DNAJC5B: variants seen among roughly 807,000 people sequenced by gnomAD.
DNAJC5B encodes the protein dnaJ homolog subfamily C member 5B.
DNAJC5B carries 23 observed loss-of-function variants against 24.7 expected under a neutral mutation model. That is an observed-to-expected ratio of 0.93 (90% CI 0.67 to 1.32). The LOEUF is 1.32. DNAJC5B is among the 40% of genes most tolerant of loss of function. DNAJC5B has a pLI of 0.00. For synonymous variants in DNAJC5B, 101 were observed against 90.1 expected (o/e 1.12, Z -0.68); for missense variants, 238 against 240.8 (o/e 0.99, Z 0.08).
chr8:66,039,397 G>A (rs1021886346), intron 1 of DNAJC5B, among the ~76,000 whole-genome samples: 3 of 144,362 alleles, frequency 2.1e-5, no homozygotes, highest in African/African-American at 5.1e-5. Flanking sequence ...TGCCCAGGCT[G>A]GAGTGCAATG....
intron 1 of DNAJC5B, among the ~76,000 whole-genome samples, chr8:66,036,579 G>C (rs1056401198): frequency 6.6e-6 from 1 of 152,232 alleles, no homozygotes; most frequent in Non-Finnish European, 1.5e-5. Context: ...AGGTGGCTGG[G>C]GGACAGGCAT....
intron 1 of DNAJC5B, among the ~76,000 whole-genome samples, chr8:66,036,302 G>C (rs540288393): frequency 6.6e-6 from 1 of 152,286 alleles, no homozygotes; most frequent in East Asian, 1.9e-4. Context: ...TCTCTCAGGG[G>C]TCTTTTGTCT....
chr8:66,091,623 G>T (rs1807849080), intron 5 of DNAJC5B, among the ~76,000 whole-genome samples: 1 of 152,106 alleles, frequency 6.6e-6, no homozygotes, highest in African/African-American at 2.4e-5. Context: ...ATTTTTCAAA[G>T]AAACCCAAAC....
chr8:66,041,750 A>G (rs1250542384), intron 1 of DNAJC5B, among the ~76,000 whole-genome samples: 1 of 152,228 alleles, frequency 6.6e-6, no homozygotes, highest in Non-Finnish European at 1.5e-5. Context: ...ATATCATTTG[A>G]AACTCACCAT....
chr8:66,071,731 C>T (rs13253129), intron 3 of DNAJC5B, among the ~76,000 whole-genome samples: 21,334 of 152,134 alleles, frequency 0.14, 1,836 homozygotes, highest in East Asian at 0.33. Flanking sequence ...AATCATTCTA[C>T]TATAAAGACA....
chr8:66,081,151 T>G (rs1478480235), intron 5 of DNAJC5B, among the ~76,000 whole-genome samples: 4 of 152,174 alleles, frequency 2.6e-5, no homozygotes, highest in East Asian at 3.8e-4. Context: ...TATGCATGAC[T>G]GTGATGTAGT....
chr8:66,059,985 A>C (rs1351519330), intron 3 of DNAJC5B, among the ~76,000 whole-genome samples: 1 of 152,204 alleles, frequency 6.6e-6, no homozygotes, highest in Non-Finnish European at 1.5e-5. Context: ...CCGAGGGAAC[A>C]CCAAAGCCTG....
rs1289705278 is a variant in DNAJC5B, at chr8:66,074,066, A to G, written c.120-2594A>G. Among the ~76,000 whole-genome samples the G allele has an allele frequency of 3.3e-5, 5 of 152,386 alleles. No homozygotes were observed. The East Asian group carries it at 9.6e-4, about 29-fold the overall frequency. ...CAAAGAATTCATATCTAGAATATGC[A>G]TTTTTAAAATACTACAAATTAATTT... is the stretch of plus-strand genomic sequence containing the variant. On this transcript the variant is annotated intron_variant, in intron 3 of 5. Transcript: ENST00000276570.
chr8:66,040,662 ACCGCCCCATGAG>A (rs766863918), intron 1 of DNAJC5B, among the ~76,000 whole-genome samples: 1 of 152,044 alleles, frequency 6.6e-6, no homozygotes, highest in Non-Finnish European at 1.5e-5. Context: ...GCTCTTTAGA[ACCGCCCCATGAG>A]CCTTAAAAAG....
At chr8:66,052,077 C>T (rs1806860449) in intron 3 of DNAJC5B, among the ~76,000 whole-genome samples, 1 of 151,880 alleles carries the variant, frequency 6.6e-6, no homozygotes, top group Non-Finnish European at 1.5e-5. Flanking sequence ...CGATTCTCTG[C>T]CTCAGCCTCC....
intron 1 of DNAJC5B, among the ~76,000 whole-genome samples, chr8:66,027,578 G>T (rs1293219927): frequency 6.6e-6 from 1 of 152,074 alleles, no homozygotes; most frequent in African/African-American, 2.4e-5. Context: ...TGTCACAAAA[G>T]GTGGTCTCAG....
At chr8:66,041,836 A>G (rs1387390182) in intron 1 of DNAJC5B, among the ~76,000 whole-genome samples, 1 of 152,234 alleles carries the variant, frequency 6.6e-6, no homozygotes, top group Non-Finnish European at 1.5e-5. Flanking sequence ...ATCAGAAGCC[A>G]TATGCTTATA....
At chr8:66,079,300 A>G (rs1165586862) in intron 4 of DNAJC5B, among the ~76,000 whole-genome samples, 1 of 152,226 alleles carries the variant, frequency 6.6e-6, no homozygotes, top group East Asian at 1.9e-4. Context: ...AGGAACTGAA[A>G]GATGACTAGC....
chr8:66,048,411 C>T (rs1188225427), intron 2 of DNAJC5B, among the ~76,000 whole-genome samples: 1 of 152,168 alleles, frequency 6.6e-6, no homozygotes, highest in African/African-American at 2.4e-5. Flanking sequence ...CTGGGTGCTG[C>T]CTCTCCCTAT....
chr8:66,032,247 T>C (rs1466563839), intron 1 of DNAJC5B, among the ~76,000 whole-genome samples: 1 of 152,212 alleles, frequency 6.6e-6, no homozygotes, highest in Non-Finnish European at 1.5e-5. Context: ...GGGTTCCTCC[T>C]TAGGATGGAG....
chr8:66,045,513 G>A (rs968843910), intron 2 of DNAJC5B, among the ~76,000 whole-genome samples: 25 of 152,274 alleles, frequency 1.6e-4, no homozygotes, highest in African/African-American at 6.0e-4. Flanking sequence ...GCTAGCTACT[G>A]TGTCTTCCCG....
At chr8:66,072,793 T>C (rs1307141777) in intron 3 of DNAJC5B, among the ~76,000 whole-genome samples, 1 of 152,154 alleles carries the variant, frequency 6.6e-6, no homozygotes, top group Admixed American at 6.5e-5. Flanking sequence ...AGCCCAGCAA[T>C]AAATTTTAAA....
chr8:66,086,630 T>A (rs1002195675), intron 5 of DNAJC5B, among the ~76,000 whole-genome samples: 5 of 152,094 alleles, frequency 3.3e-5, no homozygotes, highest in African/African-American at 1.2e-4. Flanking sequence ...ATACTCTGGT[T>A]TTAGGGAAGG....
intron 3 of DNAJC5B, 59 bp from the exon 4 acceptor site, chr8:66,076,601 C>T (rs576763814): frequency 1.8e-4 from 287 of 1,570,196 alleles, no homozygotes; most frequent in Non-Finnish European, 2.5e-4. Context: ...CCTTCTAAAA[C>T]GCCATGGTTC....
Sources: gnomAD v4.1 joint callset for allele counts (sites outside exome capture counted in the v4.1 genomes callset) on GRCh38, gnomAD v4.1.1 for gene constraint, MANE v1.5 for transcripts, NCBI Gene and HGNC (gene_info 2026-07-23, HGNC 2026-07-21) for gene names.